The following KCNC1 variants were observed in gnomAD, a reference collection of about 807,000 sequenced individuals.
KCNC1 encodes the protein potassium voltage-gated channel subfamily C member 1.
In KCNC1, 8 loss-of-function variants were observed where a neutral mutation model predicts 43.4. The ratio of observed to expected loss-of-function variants is 0.18; its 90% CI spans 0.11 to 0.33. The LOEUF (loss-of-function observed/expected upper bound fraction) is 0.33. KCNC1 is among the 10% of genes least tolerant of loss of function. The pLI is 1.00. For synonymous variants in KCNC1, 361 were observed against 360.5 expected, an observed-to-expected ratio of 1.00 and a Z score of -0.01; for missense variants, 420 against 836.0, an observed-to-expected ratio of 0.50 and a Z score of 6.14.
At chr11:17,775,842 G>T (rs1373902696) in intron 2 of KCNC1, 1 of 985,432 alleles carries the variant, frequency 1.0e-6, no homozygotes, top group Non-Finnish European at 1.2e-6. Flanking sequence ...TCTCAGAGAA[G>T]CCCCCGCCTG....
At chr11:17,763,637 C>CCCA in intron 1 of KCNC1, among the ~76,000 whole-genome samples, 1 of 13,776 alleles carries the variant, frequency 7.3e-5, no homozygotes. Flanking sequence ...CACACACACA[C>CCCA]ACCCCCACAC....
rs1204282250 is a variant in KCNC1 at position 17,779,772 on chromosome 11, G to A, written c.1693+128G>A. On this transcript the variant is annotated intron_variant, in intron 3 of 3. Coordinates refer to ENST00000265969, the MANE Select transcript of KCNC1 (RefSeq NM_001112741.2). The surrounding 1 kb of genome is among the most constrained non-coding windows in gnomAD (Gnocchi z 7.2). ...CACACCGAGGGGGGCAAGGATGGAG[G>A]GAATCTCCCAGGGTCGGCCCCTGGA... 2 of 747,550 alleles carry A rather than the reference G, an allele frequency of 2.7e-6. No individual in the cohort carries two copies. The highest frequency in any genetic ancestry group is 4.0e-6 in the Non-Finnish European group (2 of 501,584). 46.3% of individuals were successfully genotyped at this position (747,550 alleles called of 1,614,324 possible). A position where few individuals can be genotyped will look rare whatever the true frequency, so the allele number is the denominator to read the frequency against.
intron 1 of KCNC1, among the ~76,000 whole-genome samples, chr11:17,763,682 A>C: frequency 1.0e-5 from 1 of 98,768 alleles, no homozygotes; most frequent in Non-Finnish European, 1.9e-5. Flanking sequence ...ACCCCCACAC[A>C]TGCACAAATA....
intron 1 of KCNC1, among the ~76,000 whole-genome samples, chr11:17,756,400 G>GGATATAGGTGTATA (rs1341418777): frequency 1.3e-5 from 2 of 151,998 alleles, no homozygotes; most frequent in East Asian, 3.9e-4. Flanking sequence ...CCAGTACCCT[G>GGATATAGGTGTATA]TATAGGCCTG....
intron 1 of KCNC1, among the ~76,000 whole-genome samples, chr11:17,769,127 T>C (rs572791390): frequency 3.3e-5 from 5 of 152,244 alleles, no homozygotes; most frequent in Non-Finnish European, 7.3e-5. Flanking sequence ...CTGACCTTTT[T>C]CCAGCCTCTT....
intron 1 of KCNC1, among the ~76,000 whole-genome samples, chr11:17,755,772 G>A (rs187117243): frequency 4.7e-4 from 71 of 152,256 alleles, no homozygotes; most frequent in African/African-American, 1.6e-3. Context: ...GTTGGATGCT[G>A]GAGTCCTGAG....
At chr11:17,770,167 C>A (rs570920170) in intron 1 of KCNC1, among the ~76,000 whole-genome samples, 1 of 152,250 alleles carries the variant, frequency 6.6e-6, no homozygotes, top group Admixed American at 6.5e-5. Flanking sequence ...GCAAACAAGG[C>A]GGCCTCTAGG....
At position 17,771,335 on chromosome 11, in the gene KCNC1, G is replaced by A. The variant is rs1025614868; in HGVS notation, c.571-330G>A. On this transcript the variant is annotated intron_variant, in intron 1 of 3. Coordinates refer to ENST00000265969, the MANE Select transcript of KCNC1 (RefSeq NM_001112741.2). This position sits in a 1 kb window ranked among gnomAD's most constrained non-coding sequence, Gnocchi z 4.7. ...ACAATGGAAATTTATTTCCCACTCA[G>A]GTAACAGTTCAATGTGGGTATGTGG... is the stretch of plus-strand genomic sequence containing the variant. Among the ~76,000 whole-genome samples the A allele has an allele frequency of 6.6e-6, 1 of 152,222 alleles. No homozygotes were observed. The highest frequency in any genetic ancestry group is 6.5e-5 in the Admixed American group (1 of 15,288).
At chr11:17,748,792 C>A (rs1848931500) in intron 1 of KCNC1, among the ~76,000 whole-genome samples, 3 of 151,960 alleles carry the variant, frequency 2.0e-5, no homozygotes, top group Admixed American at 1.3e-4. Context: ...GCCACAGGGG[C>A]CTGCACAGGG....
chr11:17,775,747 C>T (rs763211449), intron 2 of KCNC1: 229 of 985,776 alleles, frequency 2.3e-4, no homozygotes, highest in East Asian at 5.7e-4. Context: ...CAGGGTCCCA[C>T]GTCAGTGAGC....
At chr11:17,764,533 C>T (rs929542568) in intron 1 of KCNC1, among the ~76,000 whole-genome samples, 7 of 152,188 alleles carry the variant, frequency 4.6e-5, no homozygotes, top group African/African-American at 1.7e-4. Flanking sequence ...CTAACACTCC[C>T]CCCAGTGCAG....
In KCNC1 at chr11:17,772,769, T is replaced by C. The variant is rs941552458; in HGVS notation, c.1504+171T>C. 2.4e-5 allele frequency: 35 copies of C among 1,485,918 alleles called. No homozygotes were observed. The Middle Eastern group carries it at 7.6e-4, about 32-fold the overall frequency. 92.0% of individuals were successfully genotyped at this position (1,485,918 alleles called of 1,614,324 possible). On this transcript the variant is annotated intron_variant, in intron 2 of 3. Transcript: ENST00000265969. Reference sequence around the variant, plus strand: ...CCAGGGAGATGCTGGGCGGCCAAATTCAGCAGGCAAGAGCCTGCTAGAGGA... The same window carrying C: ...CCAGGGAGATGCTGGGCGGCCAAATCCAGCAGGCAAGAGCCTGCTAGAGGA...
chr11:17,743,652 T>C (rs1848866107), intron 1 of KCNC1, among the ~76,000 whole-genome samples: 2 of 152,230 alleles, frequency 1.3e-5, no homozygotes, highest in African/African-American at 4.8e-5. Context: ...GTGGGAACGC[T>C]GGCCGCCCCT....
intron 1 of KCNC1, among the ~76,000 whole-genome samples, chr11:17,755,095 G>A (rs1452717514): frequency 1.3e-5 from 2 of 152,198 alleles, no homozygotes; most frequent in South Asian, 2.1e-4. Flanking sequence ...CCATGAGGCA[G>A]TGAAGGGGTA....
intron 1 of KCNC1, among the ~76,000 whole-genome samples, chr11:17,770,540 G>C (rs1175545293): frequency 6.6e-6 from 1 of 152,186 alleles, no homozygotes; most frequent in African/African-American, 2.4e-5. Context: ...TGAGCAGGAG[G>C]GTTTGAAACT....
At chr11:17,775,777 G>A (rs1849278844) in intron 2 of KCNC1, 2 of 985,904 alleles carry the variant, frequency 2.0e-6, no homozygotes, top group South Asian at 9.4e-5. Context: ...CCGGTGGAGG[G>A]GGTGGTGGTG....
intron 1 of KCNC1, among the ~76,000 whole-genome samples, chr11:17,763,477 A>C (rs1270060628): frequency 6.6e-6 from 1 of 151,516 alleles, no homozygotes; most frequent in Non-Finnish European, 1.5e-5. Context: ...ATGCACACTC[A>C]CACCCATGCA....
chr11:17,777,329 G>A lies in KCNC1; in HGVS notation c.1505-2127G>A, dbSNP rs1361157711. On this transcript the variant is annotated intron_variant, in intron 2 of 3. Coordinates refer to ENST00000265969, the MANE Select transcript of KCNC1 (RefSeq NM_001112741.2). This position sits in a 1 kb window ranked among gnomAD's most constrained non-coding sequence, Gnocchi z 4.3. ...CCCCTGGCAGAGGATGGCCAACAGA[G>A]ACTCAGCAAGTCCTCACTCCCCTCC... 1.0e-6 allele frequency: 1 copy of A among 985,866 alleles called. No homozygotes were observed. The highest frequency in any genetic ancestry group is 1.2e-6 in the Non-Finnish European group (1 of 829,988). 61.1% of individuals were successfully genotyped at this position (985,866 alleles called of 1,614,324 possible).
At position 17,735,214 on chromosome 11, in the gene KCNC1, C is replaced by A. The variant is rs1409091906; in HGVS notation, c.-789C>A. The A allele has an allele frequency of 6.6e-6, 1 of 152,104 alleles. No individual in the cohort carries two copies. Among genetic ancestry groups the A allele is most frequent in the Non-Finnish European group, 1.5e-5 (1 of 67,998 alleles). 9.4% of individuals were successfully genotyped at this position (152,104 alleles called of 1,614,324 possible). A position where few individuals can be genotyped will look rare whatever the true frequency, so the allele number is the denominator to read the frequency against. On this transcript the variant is annotated 5_prime_UTR_variant, in exon 1 of 4. Transcript: ENST00000265969. This position sits in a 1 kb window ranked among gnomAD's most constrained non-coding sequence, Gnocchi z 6.7. Reference sequence around the variant, plus strand: ...AGAGCAGCGCTCGGCGTTAGCCGCACGAGCAACACCCCGGGTGCCCCTGCC... The same window carrying A: ...AGAGCAGCGCTCGGCGTTAGCCGCAAGAGCAACACCCCGGGTGCCCCTGCC...
Sources: allele counts gnomAD v4.1 joint callset (sites outside exome capture counted in the v4.1 genomes callset), GRCh38; gene constraint gnomAD v4.1.1; non-coding constraint Gnocchi (gnomAD v3.1); transcripts MANE v1.5; gene names NCBI Gene and HGNC (gene_info 2026-07-23, HGNC 2026-07-21).